The following MED28 variants were observed in gnomAD, a reference collection of about 807,000 sequenced individuals.
MED28 encodes the protein mediator of RNA polymerase II transcription subunit 28.
Under a neutral mutation model 21.3 loss-of-function variants are expected in MED28, and 26 were observed. The observed-to-expected ratio is 1.22, with a 90% CI of 0.89 to 1.69. The LOEUF is 1.69. Ranked by LOEUF, MED28 falls within the 40% of genes most tolerant of loss-of-function variation. The pLI is 0.00. For synonymous variants in MED28, 110 were observed against 87.6 expected, an observed-to-expected ratio of 1.26 and a Z score of -1.43; for missense variants, 257 against 215.4, an observed-to-expected ratio of 1.19 and a Z score of -1.21.
chr4:17,618,061 G>C (rs953293901), intron 1 of MED28, among the ~76,000 whole-genome samples: 5 of 130,616 alleles, frequency 3.8e-5, no homozygotes, highest in Non-Finnish European at 7.7e-5. Context: ...ACCCAGGCCA[G>C]AGTGCAATGG....
At position 17,632,548 on chromosome 4, in the gene MED28, T is replaced by A; in HGVS notation, c.*8750T>A. ...AAGGTTAGCTTAGAAAGAAAAGTACTTGGTGAACCATTCCTGGTGCGGAGA... is the reference window on the plus strand; with the variant it reads ...AAGGTTAGCTTAGAAAGAAAAGTACATGGTGAACCATTCCTGGTGCGGAGA... On this transcript the variant is annotated 3_prime_UTR_variant, in exon 4 of 4. Transcript: ENST00000237380. The A allele has an allele frequency of 6.4e-7, 1 of 1,551,260 alleles. No homozygotes were observed. Among genetic ancestry groups the A allele is most frequent in the Non-Finnish European group, 8.7e-7 (1 of 1,146,644 alleles).
In MED28 at chr4:17,630,825, C is replaced by CTT. The variant is rs1560161059; in HGVS notation, c.*7029_*7030dup. ...GTGATTGAGGTTAATGTGAACTGAA[C>CTT]TTTCTATTTCTAAGCTGTCTTCATC... On this transcript the variant is annotated 3_prime_UTR_variant, in exon 4 of 4. Transcript: ENST00000237380. The CTT allele has an allele frequency of 1.3e-5, 2 of 151,262 alleles. No homozygotes were observed. Among genetic ancestry groups the CTT allele is most frequent in the African/African-American group, 4.9e-5 (2 of 41,104 alleles). The allele number at this position is 151,262 out of a possible 1,614,324, so 9.4% of individuals were successfully genotyped here.
rs920329745 is a variant in MED28 at position 17,630,545 on chromosome 4, T to A, written c.*6747T>A. On this transcript the variant is annotated 3_prime_UTR_variant, in exon 4 of 4. Transcript: ENST00000237380. ...CCTCTAGGACTGTGAGTGACATATTTCTATTGTTTATAAATTATCCAGTAT... is the reference window on the plus strand; with the variant it reads ...CCTCTAGGACTGTGAGTGACATATTACTATTGTTTATAAATTATCCAGTAT... 2 of 152,242 alleles carry A rather than the reference T, an allele frequency of 1.3e-5. No homozygotes were observed. Among genetic ancestry groups the A allele is most frequent in the African/African-American group, 4.8e-5 (2 of 41,468 alleles). The allele number at this position is 152,242 out of a possible 1,614,324, so 9.4% of individuals were successfully genotyped here.
chr4:17,614,834 C>T (rs1560155669), intron 1 of MED28, 21 bp downstream of exon 1: 1 of 1,581,618 alleles, frequency 6.3e-7, no homozygotes, highest in Non-Finnish European at 8.6e-7. Context: ...ACATGGGCGT[C>T]TTTGTCCCTA....
intron 1 of MED28, among the ~76,000 whole-genome samples, chr4:17,615,738 A>T (rs1467076581): frequency 6.6e-6 from 1 of 152,130 alleles, no homozygotes; most frequent in South Asian, 2.1e-4. Flanking sequence ...TGAACCTGGG[A>T]TGCGGAGGTT....
At position 17,627,604 on chromosome 4, in the gene MED28, C is replaced by T. The variant is rs926689611; in HGVS notation, c.*3806C>T. On this transcript the variant is annotated 3_prime_UTR_variant, in exon 4 of 4. Transcript: ENST00000237380. ...AGCTCCTGGCATTGGGGACCTGCCG[C>T]CATGTTCCTGCCCAGGGCATGCTGG... 3.3e-5 allele frequency: 5 copies of T among 152,298 alleles called. No individual in the cohort carries two copies. Among genetic ancestry groups the T allele is most frequent in the Non-Finnish European group, 5.9e-5 (4 of 68,154 alleles). 9.4% of individuals were successfully genotyped at this position (152,298 alleles called of 1,614,324 possible). A position where few individuals can be genotyped will look rare whatever the true frequency, so the allele number is the denominator to read the frequency against.
chr4:17,620,158 G>A (rs969022469), intron 2 of MED28, 191 bp downstream of exon 2: 8 of 589,474 alleles, frequency 1.4e-5, no homozygotes, highest in Admixed American at 3.0e-5. Context: ...CACCCATAAC[G>A]AATCATTTAT....
intron 1 of MED28, among the ~76,000 whole-genome samples, chr4:17,618,588 C>T (rs1455130594): frequency 6.6e-6 from 1 of 152,124 alleles, no homozygotes; most frequent in Non-Finnish European, 1.5e-5. Context: ...GCAGTCTTGG[C>T]TCACTGCAAC....
chr4:17,625,631 A>G lies in MED28; in HGVS notation c.*1833A>G. On this transcript the variant is annotated 3_prime_UTR_variant, in exon 4 of 4. Coordinates refer to ENST00000237380, the MANE Select transcript of MED28 (RefSeq NM_025205.5). ...TCAGAAGTTTTTTTGCCAAATAACAATTTTTCAATCTTCTCTGTTTGTAGA... is the reference window on the plus strand; with the variant it reads ...TCAGAAGTTTTTTTGCCAAATAACAGTTTTTCAATCTTCTCTGTTTGTAGA... 2.2e-6 allele frequency: 1 copy of G among 446,752 alleles called. No homozygotes were observed. Among genetic ancestry groups the G allele is most frequent in the Non-Finnish European group, 4.5e-6 (1 of 223,964 alleles). The allele number at this position is 446,752 out of a possible 1,614,324, so 27.7% of individuals were successfully genotyped here.
Position 17,625,756 on chromosome 4 carries a change from C to T in MED28, c.*1958C>T, listed in dbSNP as rs1296496506. The T allele has an allele frequency of 4.7e-6, 2 of 424,244 alleles. No individual in the cohort carries two copies. The highest frequency in any genetic ancestry group is 2.0e-5 in the African/African-American group (1 of 48,826). 26.3% of individuals were successfully genotyped at this position (424,244 alleles called of 1,614,324 possible). ...CCATCTTCTCAAGTTCCCCTAGAAA[C>T]CTGTGGAATGCCCTCTGCCAAGCAC... On this transcript the variant is annotated 3_prime_UTR_variant, in exon 4 of 4. Transcript: ENST00000237380.
chr4:17,615,897 TA>T (rs1714437273), intron 1 of MED28, among the ~76,000 whole-genome samples: 1 of 152,224 alleles, frequency 6.6e-6, no homozygotes, highest in Non-Finnish European at 1.5e-5. Flanking sequence ...TAAATGAATA[TA>T]ATTTGCAAGC....
Position 17,632,451 on chromosome 4 carries a change from G to T in MED28, c.*8653G>T. ...TCATAAGCATATTATTTGGTTGGTT[G>T]GTGTTAGTTCATTCCTTCAATCGGA... On this transcript the variant is annotated 3_prime_UTR_variant, in exon 4 of 4. Transcript: ENST00000237380. The T allele has an allele frequency of 1.7e-6, 2 of 1,169,988 alleles. No individual in the cohort carries two copies. The highest frequency in any genetic ancestry group is 2.4e-6 in the Non-Finnish European group (2 of 823,710). The allele number at this position is 1,169,988 out of a possible 1,614,324, so 72.5% of individuals were successfully genotyped here.
Position 17,628,157 on chromosome 4 carries a change from ATAAT to A in MED28, c.*4361_*4364del, listed in dbSNP as rs1560160026. 1 of 152,064 alleles carries A rather than the reference ATAAT, an allele frequency of 6.6e-6. No individual in the cohort carries two copies. 9.4% of individuals were successfully genotyped at this position (152,064 alleles called of 1,614,324 possible). On this transcript the variant is annotated 3_prime_UTR_variant, in exon 4 of 4. Coordinates refer to ENST00000237380, the MANE Select transcript of MED28 (RefSeq NM_025205.5). ...AGGCCATGATAAAATAAACCACTTAATAATTTTGTCTAAGCACGTACAAAGAAAA... is the reference window on the plus strand; with the variant it reads ...AGGCCATGATAAAATAAACCACTTAATTTGTCTAAGCACGTACAAAGAAAA...
intron 2 of MED28, 134 bp downstream of exon 2, chr4:17,620,101 A>G (rs1714574473): frequency 2.6e-6 from 2 of 768,338 alleles, no homozygotes; most frequent in African/African-American, 1.7e-5. Flanking sequence ...TGTGCACATA[A>G]TCTCTATGAG....
rs1577238040 is a variant in MED28, at chr4:17,633,453, A to C, written c.*9655A>C. 1 of 407,700 alleles carries C rather than the reference A, an allele frequency of 2.5e-6. No individual in the cohort carries two copies. The highest frequency in any genetic ancestry group is 4.4e-6 in the Non-Finnish European group (1 of 229,662). 25.3% of individuals were successfully genotyped at this position (407,700 alleles called of 1,614,324 possible). On this transcript the variant is annotated 3_prime_UTR_variant, in exon 4 of 4. Coordinates refer to ENST00000237380, the MANE Select transcript of MED28 (RefSeq NM_025205.5). ...GAGGTCAAGTGACCTGTCCAAGGCC[A>C]CAGAGCTAAGAATGAGGAAGACTGT... is the stretch of plus-strand genomic sequence containing the variant.
rs1714933515 is a variant in MED28, at chr4:17,631,319, G to A, written c.*7521G>A. 6.6e-6 allele frequency: 1 copy of A among 150,534 alleles called. No individual in the cohort carries two copies. Among genetic ancestry groups the A allele is most frequent in the Non-Finnish European group, 1.5e-5 (1 of 68,096 alleles). 9.3% of individuals were successfully genotyped at this position (150,534 alleles called of 1,614,324 possible). A position where few individuals can be genotyped will look rare whatever the true frequency, so the allele number is the denominator to read the frequency against. On this transcript the variant is annotated 3_prime_UTR_variant, in exon 4 of 4. Coordinates refer to ENST00000237380, the MANE Select transcript of MED28 (RefSeq NM_025205.5). ...CTACCTCAGACTTCCAAGTAGCTGG[G>A]TTTTCTTTGGGCTAATTATTTTTTT...
intron 1 of MED28, among the ~76,000 whole-genome samples, chr4:17,616,681 T>C (rs1461977319): frequency 6.6e-6 from 1 of 152,228 alleles, no homozygotes; most frequent in Non-Finnish European, 1.5e-5. Context: ...TCCCTGGCCT[T>C]CTTTTTAATA....
chr4:17,623,742 T>G lies in MED28; in HGVS notation c.481T>G (p.Leu161Val), dbSNP rs749344615. Residue 161 changes from leucine to valine, a missense_variant, in exon 4 of 4, where the codon TTG (leucine) becomes GTG (valine). Leu to Val is a conservative substitution (Grantham distance 32). Transcript: ENST00000237380. ...KKPADIPQGS[L>V]AYLEQASANI... ...GCCCGCCGACATCCCTCAGGGCTCC[T>G]TGGCCTACCTGGAGCAGGCATCTGC... 1 of 1,614,238 alleles carries G rather than the reference T, an allele frequency of 6.2e-7. No individual in the cohort carries two copies. The highest frequency in any genetic ancestry group is 1.7e-5 in the Admixed American group (1 of 60,016).
chr4:17,633,949 T>A lies in MED28; in HGVS notation c.*10151T>A, dbSNP rs1715045010. 1 of 1,289,028 alleles carries A rather than the reference T, an allele frequency of 7.8e-7. No individual in the cohort carries two copies. The highest frequency in any genetic ancestry group is 2.9e-5 in the East Asian group (1 of 34,208). The allele number at this position is 1,289,028 out of a possible 1,614,324, so 79.8% of individuals were successfully genotyped here. A position where few individuals can be genotyped will look rare whatever the true frequency, so the allele number is the denominator to read the frequency against. On this transcript the variant is annotated 3_prime_UTR_variant, in exon 4 of 4. Transcript: ENST00000237380. ...TGCAAAAAACAAAATAAAGCATTATTGTAAAAGCAAATAATGCTCACCCAA... is the reference window on the plus strand; with the variant it reads ...TGCAAAAAACAAAATAAAGCATTATAGTAAAAGCAAATAATGCTCACCCAA...
Sources: allele counts gnomAD v4.1 joint callset (sites outside exome capture counted in the v4.1 genomes callset), GRCh38; gene constraint gnomAD v4.1.1; transcripts MANE v1.5; gene names NCBI Gene and HGNC (gene_info 2026-07-23, HGNC 2026-07-21).